Variants in REV3L observed in about 807,000 individuals in gnomAD.
The protein encoded by REV3L is DNA polymerase zeta catalytic subunit.
REV3L carries 69 observed loss-of-function variants against 299.4 expected under a neutral mutation model. The ratio of observed to expected loss-of-function variants is 0.23; its 90% confidence interval spans 0.19 to 0.28. The LOEUF (loss-of-function observed/expected upper bound fraction) is 0.28. Among genes scored for constraint, REV3L ranks in the 10% least tolerant of loss-of-function variants. The pLI is 1.00. For missense variants in REV3L, 3,128 were observed against 3,693.8 expected (o/e 0.85, Z 3.97); for synonymous variants, 1,238 against 1,271.4 (o/e 0.97, Z 0.56).
At chr6:111,446,259 A>C (rs1339132920) in intron 1 of REV3L, among the ~76,000 whole-genome samples, 2 of 152,234 alleles carry the variant, frequency 1.3e-5, no homozygotes, top group African/African-American at 2.4e-5. Flanking sequence ...GCTGCTCCAT[A>C]ATCAATATGA....
intron 1 of REV3L, chr6:111,430,695 GCAAAGA>G: frequency 6.5e-7 from 1 of 1,538,612 alleles, no homozygotes; most frequent in South Asian, 1.1e-5. Context: ...AAGAGTCCCA[GCAAAGA>G]AAATAAAAAG....
At chr6:111,410,366 G>A (rs1481483176) in intron 3 of REV3L, among the ~76,000 whole-genome samples, 2 of 152,166 alleles carry the variant, frequency 1.3e-5, no homozygotes, top group Non-Finnish European at 2.9e-5. Flanking sequence ...AAAATTGATT[G>A]TATTTATAAT....
rs17510935 is a variant in REV3L, at chr6:111,368,712, T to C, written c.5760-684A>G. ...AGTCTGGTTTCATTTCCAATAGTTA[T>C]AAATATTAAGTGAAACCTCTGTCTT... On this transcript the variant is annotated intron_variant, in intron 13 of 31. Coordinates refer to ENST00000368802, the MANE Select transcript of REV3L (RefSeq NM_001372078.1). Among the ~76,000 whole-genome samples, 769 of 145,576 alleles carry C rather than the reference T, an allele frequency of 5.3e-3. 3 individuals carry two copies. Among genetic ancestry groups the C allele is most frequent in the African/African-American group, 0.018 (727 of 41,116 alleles).
chr6:111,351,611 CTG>C, intron 19 of REV3L, 63 bp downstream of exon 19: 1 of 1,276,576 alleles, frequency 7.8e-7, no homozygotes, highest in Non-Finnish European at 1.1e-6. Context: ...CTTTAACATT[CTG>C]TCTTTATTTC....
At chr6:111,436,450 T>C (rs1787563708) in intron 1 of REV3L, among the ~76,000 whole-genome samples, 1 of 151,970 alleles carries the variant, frequency 6.6e-6, no homozygotes, top group Non-Finnish European at 1.5e-5. Flanking sequence ...TTCAGCCATA[T>C]AAAAAAAATG....
At chr6:111,320,373 C>CT (rs1317040674) in intron 26 of REV3L, among the ~76,000 whole-genome samples, 1 of 152,032 alleles carries the variant, frequency 6.6e-6, no homozygotes, top group African/African-American at 2.4e-5. Context: ...GCCAGGAACT[C>CT]TTTTTCACTC....
intron 21 of REV3L, among the ~76,000 whole-genome samples, chr6:111,339,709 A>G (rs1776284631): frequency 6.6e-6 from 1 of 152,170 alleles, no homozygotes; most frequent in Middle Eastern, 3.2e-3. Flanking sequence ...AAATACTTTG[A>G]ATGGCTAATT....
intron 21 of REV3L, 32 bp downstream of exon 21, chr6:111,343,893 A>G: frequency 7.4e-7 from 1 of 1,345,378 alleles, no homozygotes; most frequent in South Asian, 1.3e-5. Flanking sequence ...TGATGATTTT[A>G]TATTACCTTC....
chr6:111,445,504 T>C (rs979446004), intron 1 of REV3L, among the ~76,000 whole-genome samples: 2 of 152,262 alleles, frequency 1.3e-5, no homozygotes, highest in Admixed American at 6.5e-5. Flanking sequence ...AAATATTTTC[T>C]GGTTATTCTA....
At chr6:111,464,223 A>G (rs1403095532) in intron 1 of REV3L, among the ~76,000 whole-genome samples, 1 of 152,220 alleles carries the variant, frequency 6.6e-6, no homozygotes, top group Non-Finnish European at 1.5e-5. Flanking sequence ...AATCCAGTAG[A>G]GGTACACTAA....
chr6:111,359,682 T>G (rs893517309), intron 16 of REV3L, among the ~76,000 whole-genome samples: 2 of 152,186 alleles, frequency 1.3e-5, no homozygotes, highest in African/African-American at 4.8e-5. Flanking sequence ...CTGTAATTCT[T>G]AGTTTTCTTT....
At chr6:111,310,130 C>T (rs764874566) in intron 29 of REV3L, 31 bp from the exon 30 acceptor site, 1 of 1,491,700 alleles carries the variant, frequency 6.7e-7, no homozygotes, top group South Asian at 1.5e-5. Context: ...AAACCACACC[C>T]AAATACTGTT....
intron 25 of REV3L, among the ~76,000 whole-genome samples, chr6:111,328,298 G>T (rs1432097488): frequency 6.6e-6 from 1 of 152,078 alleles, no homozygotes; most frequent in Non-Finnish European, 1.5e-5. Flanking sequence ...AGAGGCAAGG[G>T]CTCACTATGT....
chr6:111,378,350 T>C (rs1780511312), intron 11 of REV3L, among the ~76,000 whole-genome samples: 1 of 152,204 alleles, frequency 6.6e-6, no homozygotes, highest in African/African-American at 2.4e-5. Flanking sequence ...ATGTTTTCCC[T>C]TTTAATTGAA....
chr6:111,479,282 A>T (rs1245013312), intron 1 of REV3L, among the ~76,000 whole-genome samples: 1 of 152,220 alleles, frequency 6.6e-6, no homozygotes, highest in Non-Finnish European at 1.5e-5. Flanking sequence ...AAAATTAACA[A>T]TTTATTCTAC....
At chr6:111,386,717 A>ATTTTTTTTTTTT (rs67124715) in intron 9 of REV3L, among the ~76,000 whole-genome samples, 1 of 97,672 alleles carries the variant, frequency 1.0e-5, no homozygotes, top group African/African-American at 4.0e-5. Flanking sequence ...TAACAGCACT[A>ATTTTTTTTTTTT]TTTTTTTTTT....
chr6:111,303,336 T>TAAGTTTA (rs1270362094), intron 31 of REV3L, among the ~76,000 whole-genome samples: 51 of 151,068 alleles, frequency 3.4e-4, no homozygotes, highest in Admixed American at 7.2e-4. Flanking sequence ...CATGCCTGGC[T>TAAGTTTA]AATTTTAAAT....
intron 13 of REV3L, among the ~76,000 whole-genome samples, chr6:111,370,570 C>T (rs1779702866): frequency 1.3e-5 from 2 of 152,278 alleles, no homozygotes; most frequent in South Asian, 4.1e-4. Context: ...ATGGTTCTTA[C>T]AGTGAAACAA....
intron 31 of REV3L, among the ~76,000 whole-genome samples, chr6:111,305,073 C>G (rs1297204228): frequency 6.6e-6 from 1 of 151,864 alleles, no homozygotes; most frequent in African/African-American, 2.4e-5. Flanking sequence ...TCCTGAGTAG[C>G]TGGGATTACA....
Sources: gnomAD v4.1 joint callset for allele counts (sites outside exome capture counted in the v4.1 genomes callset) on GRCh38, gnomAD v4.1.1 for gene constraint, MANE v1.5 for transcripts, NCBI Gene and HGNC (gene_info 2026-07-23, HGNC 2026-07-21) for gene names.